The following LONP1 variants were observed in gnomAD, a reference collection of about 807,000 sequenced individuals.
LONP1 encodes the protein lon protease homolog, mitochondrial.
Under a neutral mutation model 98.5 loss-of-function variants are expected in LONP1, and 31 were observed. The ratio of observed to expected loss-of-function variants is 0.31; its 90% confidence interval spans 0.24 to 0.42. LONP1 has a LOEUF of 0.42. Ranked by LOEUF, LONP1 falls within the 20% of genes least tolerant of loss-of-function variation. The pLI is 1.00. For synonymous variants in LONP1, 781 were observed against 594.7 expected (o/e 1.31, Z -4.56); for missense variants, 1,336 against 1,350.6 (o/e 0.99, Z 0.17).
At chr19:5,710,778 C>A (rs1168796726) in intron 4 of LONP1, among the ~76,000 whole-genome samples, 2 of 152,118 alleles carry the variant, frequency 1.3e-5, no homozygotes, top group Non-Finnish European at 2.9e-5. Context: ...ATAATCCCAG[C>A]ATTTTGGGAG....
intron 8 of LONP1, among the ~76,000 whole-genome samples, chr19:5,705,459 A>AAC (rs1336012719): frequency 1.3e-5 from 1 of 74,120 alleles, no homozygotes; most frequent in Non-Finnish European, 3.8e-5. Context: ...CTCCATTTCA[A>AAC]AAAAAAAAAA....
chr19:5,720,029 G>A lies in LONP1; in HGVS notation c.104C>T (p.Ala35Val). The change falls in exon 1 of 18, where the codon GCA becomes GTA. Residue 35 changes from alanine to valine, a missense_variant. By Grantham distance (64) the Ala-to-Val change is moderately conservative (BLOSUM62 0). Coordinates refer to ENST00000360614, the MANE Select transcript of LONP1 (RefSeq NM_004793.4). ...CTGGCCTCGGAGCAACCACGCTCCT[G>A]CTGCAGTGGGAACCCGCCCCCCGGC... ...AAAGGRVPTA[A>V]GAWLLRGQRT... 6.4e-7 allele frequency: 1 copy of A among 1,560,712 alleles called. No individual in the cohort carries two copies. The highest frequency in any genetic ancestry group is 8.6e-7 in the Non-Finnish European group (1 of 1,156,684).
chr19:5,698,255 C>T (rs1029415106), intron 10 of LONP1, among the ~76,000 whole-genome samples: 3 of 152,060 alleles, frequency 2.0e-5, no homozygotes, highest in African/African-American at 4.8e-5. Context: ...GCCGGGAGGT[C>T]GGGAGCTGGG....
At chr19:5,698,719 C>T (rs1046391692) in intron 10 of LONP1, among the ~76,000 whole-genome samples, 2 of 152,228 alleles carry the variant, frequency 1.3e-5, no homozygotes, top group African/African-American at 4.8e-5. Context: ...GCCGGCCCTG[C>T]AGCTCTGGCC....
chr19:5,698,096 G>A (rs2054975114), intron 10 of LONP1, among the ~76,000 whole-genome samples: 1 of 99,062 alleles, frequency 1.0e-5, no homozygotes, highest in Admixed American at 1.3e-4. Flanking sequence ...TAGTCAATCT[G>A]GGACTCCCCA....
In LONP1 at chr19:5,694,776, C is replaced by T. The variant is rs1426956349; in HGVS notation, c.2139G>A (p.Gln713=). Residue 713 remains glutamine (Q), a synonymous_variant, in exon 14 of 18, where the codon CAG becomes CAA. Transcript: ENST00000360614. ...GGCCGCTCACCTTCTCCACTTGCTT[C>T]TGCAGGTTGCGGACACCGCTCTCGC... ...YCRESGVRNL[Q]KQVEKVLRKS... is the part of the protein sequence containing the mutation. The T allele has an allele frequency of 1.9e-6, 3 of 1,591,272 alleles. No homozygotes were observed. The South Asian group carries it at 3.3e-5, about 18-fold the overall frequency.
chr19:5,697,875 G>C (rs1219443666), intron 10 of LONP1, among the ~76,000 whole-genome samples: 1 of 151,986 alleles, frequency 6.6e-6, no homozygotes, highest in African/African-American at 2.4e-5. Flanking sequence ...ACCCCGCCAG[G>C]GTCTCTCCTC....
Position 5,695,995 on chromosome 19 carries a change from C to A in LONP1, c.2013+59G>T, listed in dbSNP as rs557934199. The A allele has an allele frequency of 3.9e-4, 581 of 1,498,332 alleles. 2 individuals are homozygous for A. The highest frequency in any genetic ancestry group is 2.4e-3 in the Middle Eastern group (13 of 5,496). The allele number at this position is 1,498,332 out of a possible 1,614,324, so 92.8% of individuals were successfully genotyped here. Reference sequence around the variant, plus strand: ...CTCCCAGAGGCACGGCCTCTGCAGGCTCTGGGGGGCGCCCCCTGCTCTGGG... The same window carrying A: ...CTCCCAGAGGCACGGCCTCTGCAGGATCTGGGGGGCGCCCCCTGCTCTGGG... On this transcript the variant is annotated intron_variant, in intron 13 of 17. Coordinates refer to ENST00000360614, the MANE Select transcript of LONP1 (RefSeq NM_004793.4).
chr19:5,716,259 C>CATACATATATATATATATAT (rs1555714148), intron 1 of LONP1, among the ~76,000 whole-genome samples: 3 of 77,232 alleles, frequency 3.9e-5, no homozygotes, highest in Non-Finnish European at 7.0e-5. Context: ...TTAAAATATA[C>CATACATATATATATATATAT]ATATATATAT....
rs144822855 is a variant in LONP1, at chr19:5,696,082, A to C, written c.1985T>G (p.Val662Gly). 1,256 of 1,612,900 alleles carry C rather than the reference A, an allele frequency of 7.8e-4. 3 individuals carry two copies. Among genetic ancestry groups the C allele is most frequent in the Non-Finnish European group, 9.6e-4 (1,130 of 1,179,886 alleles). ...CGCAATGGCCAGCTTCTCCTGGGCC[A>C]CGTAGCCCGACACGTTGATCATCTC... ...RMEMINVSGY[V>G]AQEKLAIAER... The change falls in exon 13 of 18, where the codon GTG becomes GGG. Residue 662 changes from valine (V) to glycine (G), a missense_variant. Physicochemically the swap from Val to Gly is moderately radical, Grantham distance 109. Around this residue, in one of 5 missense-constraint regions of LONP1, gnomAD observed 555 missense variants for 542.6 expected, o/e 1.02. Coordinates refer to ENST00000360614, the MANE Select transcript of LONP1 (RefSeq NM_004793.4).
intron 13 of LONP1, among the ~76,000 whole-genome samples, 184 bp downstream of exon 13, chr19:5,695,870 C>T (rs1054103594): frequency 1.3e-5 from 2 of 152,212 alleles, no homozygotes; most frequent in Admixed American, 1.3e-4. Flanking sequence ...CCTGCGCCCA[C>T]TCGCGCCACC....
intron 3 of LONP1, among the ~76,000 whole-genome samples, chr19:5,712,225 T>C (rs1441529304): frequency 6.6e-6 from 1 of 152,146 alleles, no homozygotes; most frequent in Non-Finnish European, 1.5e-5. Flanking sequence ...GATTCAGGCA[T>C]TCCCTGCATC....
chr19:5,693,320 C>T lies in LONP1; in HGVS notation c.2681G>A (p.Gly894Asp). Residue 894 changes from glycine to aspartate, a missense_variant, in exon 17 of 18, where the codon GGC becomes GAC. This residue lies in a region of LONP1 where 555 missense variants were observed against 542.6 expected (regional missense o/e 1.02). Transcript: ENST00000360614. ...CACCGCAATGGTCTTCTCCTTGATG[C>T]CACCAACAGGCAGGATCTTGCCCGT... ...SLTGKILPVG[G>D]IKEKTIAAKR... 6.2e-7 allele frequency: 1 copy of T among 1,612,496 alleles called. No homozygotes were observed. Among genetic ancestry groups the T allele is most frequent in the Non-Finnish European group, 8.5e-7 (1 of 1,179,136 alleles).
intron 8 of LONP1, 78 bp from the exon 9 acceptor site, chr19:5,701,005 T>G: frequency 1.3e-6 from 2 of 1,559,262 alleles, no homozygotes; most frequent in Non-Finnish European, 1.8e-6. Flanking sequence ...GCTGGGTGGT[T>G]GCAAGGGGCT....
In LONP1 at chr19:5,693,457, G is replaced by A; in HGVS notation, c.2544C>T (p.Ala848=). Residue 848 remains alanine (A), a synonymous_variant, in exon 17 of 18, where the codon GCC becomes GCT. Transcript: ENST00000360614. ...CTGCGCTTGGGCCGTCCTTGGGGGTGGCGCCCTGTGGAGGCATGTGGGGAT... is the reference window on the plus strand; with the variant it reads ...CTGCGCTTGGGCCGTCCTTGGGGGTAGCGCCCTGTGGAGGCATGTGGGGAT... ...SHIHLHVPEG[A]TPKDGPSAGC... The A allele has an allele frequency of 6.2e-7, 1 of 1,611,050 alleles. No homozygotes were observed. Among genetic ancestry groups the A allele is most frequent in the East Asian group, 2.2e-5 (1 of 44,784 alleles).
In LONP1 at chr19:5,693,293, C is replaced by G. The variant is rs752508824; in HGVS notation, c.2703+5G>C. ...GTGCTGTGGGGTGGGTACAGGGACA[C>G]TCACCGCAATGGTCTTCTCCTTGAT... is the stretch of plus-strand genomic sequence containing the variant. On this transcript the variant is annotated splice_donor_5th_base_variant and intron_variant, in intron 17 of 17. Transcript: ENST00000360614. 6.2e-7 allele frequency: 1 copy of G among 1,606,758 alleles called. No homozygotes were observed. The highest frequency in any genetic ancestry group is 1.3e-5 in the African/African-American group (1 of 74,808).
At chr19:5,693,217 A>G in intron 17 of LONP1, 81 bp downstream of exon 17, 10 of 1,498,560 alleles carry the variant, frequency 6.7e-6, no homozygotes, top group Non-Finnish European at 8.2e-6. Flanking sequence ...GCCCAGGCAG[A>G]GGTTGCATGG....
chr19:5,720,230 G>C, upstream of LONP1: 1 of 1,376,504 alleles, frequency 7.3e-7, no homozygotes, highest in Non-Finnish European at 9.3e-7. Context: ...CGATGGGCGC[G>C]TGGCTCGAAA....
In LONP1 at chr19:5,711,819, C is replaced by T; in HGVS notation, c.822G>A (p.Glu274=). Residue 274 remains glutamate (E), a synonymous_variant, in exon 4 of 18, where the codon GAG becomes GAA. Transcript: ENST00000360614. ...AGTCCTCGTGGACAACGTTCTCTAC[C>T]TCCACCATGAGCACCTCAGCCGGGA... ...PELPAEVLMV[E]VENVVHEDFQ... 6.2e-7 allele frequency: 1 copy of T among 1,612,722 alleles called. No individual in the cohort carries two copies. Among genetic ancestry groups the T allele is most frequent in the Non-Finnish European group, 8.5e-7 (1 of 1,179,870 alleles).
Sources: allele counts gnomAD v4.1 joint callset (sites outside exome capture counted in the v4.1 genomes callset), GRCh38; gene constraint gnomAD v4.1.1; regional missense constraint gnomAD v4.1.1; transcripts MANE v1.5; gene names NCBI Gene and HGNC (gene_info 2026-07-23, HGNC 2026-07-21).